The following BDKRB2 variants were observed in gnomAD, a reference collection of about 807,000 sequenced individuals.
The protein encoded by BDKRB2 is bradykinin receptor B2.
A neutral mutation model predicts 4.0 loss-of-function variants in BDKRB2; 6 were observed. The ratio of observed to expected loss-of-function variants is 1.49; its 90% CI spans 0.81 to 2.93. The LOEUF is 2.93. Ranked by LOEUF, BDKRB2 falls within the 30% of genes most tolerant of loss-of-function variation. The probability of loss-of-function intolerance (pLI) is 0.00; values close to 1 mark genes in which losing one functional copy is unlikely to be tolerated. For missense variants in BDKRB2, 478 were observed against 520.1 expected (o/e 0.92, Z 0.79); for synonymous variants, 225 against 215.3 (o/e 1.05, Z -0.40).
At chr14:96,236,784 G>A (rs1478609960) in intron 1 of BDKRB2, among the ~76,000 whole-genome samples, 1 of 152,144 alleles carries the variant, frequency 6.6e-6, no homozygotes, top group Admixed American at 6.5e-5. Flanking sequence ...CCTCACAGGC[G>A]CGTTTGGGAC....
chr14:96,235,815 GCACA>G (rs149331794), intron 1 of BDKRB2, among the ~76,000 whole-genome samples: 7 of 150,642 alleles, frequency 4.6e-5, no homozygotes, highest in Admixed American at 2.6e-4. Context: ...ACCCACACAT[GCACA>G]CACACACACA....
At position 96,216,808 on chromosome 14, in the gene BDKRB2, A is replaced by AAGG. The variant is rs138949891; in HGVS notation, c.-40+11867_-40+11869dup. ...GAGGAGGAGGAAGTAGGAGAAGAAG[A>AAGG]AGGAGGAGGAGGAGGAGGAGATCCT... On this transcript the variant is annotated intron_variant, in intron 1 of 2. Transcript: ENST00000554311. 2.6e-3 allele frequency among the ~76,000 whole-genome samples: 376 copies of AAGG among 145,280 alleles called. 4 individuals carry two copies. Among genetic ancestry groups the AAGG allele is most frequent in the African/African-American group, 8.8e-3 (339 of 38,562 alleles).
rs1885336801 is a variant in BDKRB2, at chr14:96,243,014, GGGCTAGAACTGGAGA to G, written c.*1520_*1534del. On this transcript the variant is annotated 3_prime_UTR_variant, in exon 3 of 3. Transcript: ENST00000554311. ...AGAACCTGGAGAACTAGAACCTGGA[GGGCTAGAACTGGAGA>G]GGCTAGAACCAAGAAGGGCTAGAAC... 5.6e-5 allele frequency: 2 copies of G among 35,826 alleles called. No homozygotes were observed. Among genetic ancestry groups the G allele is most frequent in the Non-Finnish European group, 1.0e-4 (2 of 19,288 alleles). 2.2% of individuals were successfully genotyped at this position (35,826 alleles called of 1,614,324 possible). A position where few individuals can be genotyped will look rare whatever the true frequency, so the allele number is the denominator to read the frequency against.
At chr14:96,226,080 G>A (rs1229756064) in intron 1 of BDKRB2, among the ~76,000 whole-genome samples, 1 of 152,190 alleles carries the variant, frequency 6.6e-6, no homozygotes, top group East Asian at 1.9e-4. Flanking sequence ...TTCCAGACCT[G>A]CAGCCTTCCT....
intron 1 of BDKRB2, among the ~76,000 whole-genome samples, chr14:96,207,933 A>T (rs1045980836): frequency 6.6e-6 from 1 of 152,154 alleles, no homozygotes; most frequent in African/African-American, 2.4e-5. Flanking sequence ...GGGTCCAGGA[A>T]TCCCCTGCCT....
rs1466316040 is a variant in BDKRB2 at position 96,242,105 on chromosome 14, G to C, written c.*601G>C. 2 of 152,500 alleles carry C rather than the reference G, an allele frequency of 1.3e-5. No individual in the cohort carries two copies. Among genetic ancestry groups the C allele is most frequent in the Non-Finnish European group, 2.9e-5 (2 of 68,304 alleles). 9.4% of individuals were successfully genotyped at this position (152,500 alleles called of 1,614,324 possible). ...AAGAAGAATCCAATAAGCACATATT[G>C]AGCACTTGCTGTATATGCAGTATTG... is the stretch of plus-strand genomic sequence containing the variant. On this transcript the variant is annotated 3_prime_UTR_variant, in exon 3 of 3. Transcript: ENST00000554311.
At chr14:96,210,655 G>T (rs1199250734) in intron 1 of BDKRB2, among the ~76,000 whole-genome samples, 1 of 152,172 alleles carries the variant, frequency 6.6e-6, no homozygotes, top group African/African-American at 2.4e-5. Context: ...TTTCTGTGGG[G>T]GTCTGGCTAA....
intron 1 of BDKRB2, among the ~76,000 whole-genome samples, chr14:96,212,791 T>C (rs528454529): frequency 6.6e-6 from 1 of 152,294 alleles, no homozygotes; most frequent in South Asian, 2.1e-4. Context: ...AGTTCTTTGA[T>C]GGGTTTTGCT....
At chr14:96,226,382 G>A (rs955716292) in intron 1 of BDKRB2, among the ~76,000 whole-genome samples, 2 of 152,178 alleles carry the variant, frequency 1.3e-5, no homozygotes, top group South Asian at 2.1e-4. Context: ...GGCCAGGTGC[G>A]GTGACTCAAG....
In BDKRB2 at chr14:96,243,860, G is replaced by C. The variant is rs199859366; in HGVS notation, c.*2356G>C. ...TGGTGAATGAAAAAAAAAAAAAGAG[G>C]CTGTGTTTTGTCACACAGGGCAGTC... On this transcript the variant is annotated 3_prime_UTR_variant, in exon 3 of 3. Coordinates refer to ENST00000554311, the MANE Select transcript of BDKRB2 (RefSeq NM_001379692.1). 1 of 269,374 alleles carries C rather than the reference G, an allele frequency of 3.7e-6. No homozygotes were observed. The highest frequency in any genetic ancestry group is 6.9e-6 in the Non-Finnish European group (1 of 145,482). 16.7% of individuals were successfully genotyped at this position (269,374 alleles called of 1,614,324 possible).
chr14:96,211,666 C>T (rs768403623), intron 1 of BDKRB2, among the ~76,000 whole-genome samples: 14 of 152,298 alleles, frequency 9.2e-5, no homozygotes, highest in Non-Finnish European at 1.9e-4. Flanking sequence ...CTTCCCTTCT[C>T]CCTCCTCCTC....
intron 1 of BDKRB2, among the ~76,000 whole-genome samples, chr14:96,207,665 G>A (rs1890220005): frequency 1.3e-5 from 2 of 152,144 alleles, no homozygotes; most frequent in Admixed American, 1.3e-4. Context: ...GACTGCTCTT[G>A]TGGGGGATGT....
chr14:96,232,948 G>C (rs1890851524), intron 1 of BDKRB2, among the ~76,000 whole-genome samples: 1 of 152,194 alleles, frequency 6.6e-6, no homozygotes, highest in Non-Finnish European at 1.5e-5. Context: ...ATGAACAAGA[G>C]AAAAGTGAAC....
chr14:96,223,542 A>T (rs1182757271), intron 1 of BDKRB2, among the ~76,000 whole-genome samples: 2 of 152,144 alleles, frequency 1.3e-5, no homozygotes, highest in African/African-American at 4.8e-5. Context: ...CAGCCAGATG[A>T]GTGCTCTGTG....
intron 2 of BDKRB2, 123 bp downstream of exon 2, chr14:96,237,304 C>A (rs1890958676): frequency 6.5e-6 from 6 of 929,592 alleles, no homozygotes; most frequent in Non-Finnish European, 9.9e-6. Flanking sequence ...GATGTTAAGC[C>A]CAAAGACAAA....
At chr14:96,205,535 G>A (rs1339476924) in intron 1 of BDKRB2, among the ~76,000 whole-genome samples, 1 of 152,170 alleles carries the variant, frequency 6.6e-6, no homozygotes, top group African/African-American at 2.4e-5. Context: ...CAGGAGGCAG[G>A]TGGTAGTGAC....
rs534890924 is a variant in BDKRB2 at position 96,222,976 on chromosome 14, A to C, written c.-39-14093A>C. On this transcript the variant is annotated intron_variant, in intron 1 of 2. Transcript: ENST00000554311. ...TGGACATCACCGACCGCTCTAGGCT[A>C]TGGAAAATTCTGTAGAACAAACAAC... 7 of 626,074 alleles carry C rather than the reference A, an allele frequency of 1.1e-5. No individual in the cohort carries two copies. The African/African-American group carries it at 1.3e-4, about 12-fold the overall frequency. The allele number at this position is 626,074 out of a possible 1,614,324, so 38.8% of individuals were successfully genotyped here.
At chr14:96,229,626 C>T (rs935092925) in intron 1 of BDKRB2, among the ~76,000 whole-genome samples, 2 of 152,062 alleles carry the variant, frequency 1.3e-5, no homozygotes, top group African/African-American at 2.4e-5. Flanking sequence ...GCCTGTCATC[C>T]AGCCAGGTGG....
intron 1 of BDKRB2, among the ~76,000 whole-genome samples, chr14:96,216,899 T>C (rs994537241): frequency 6.6e-6 from 1 of 152,208 alleles, no homozygotes; most frequent in African/African-American, 2.4e-5. Flanking sequence ...CGGCACATCC[T>C]ACAAATGTAA....
Sources: allele counts gnomAD v4.1 joint callset (sites outside exome capture counted in the v4.1 genomes callset), GRCh38; gene constraint gnomAD v4.1.1; transcripts MANE v1.5; gene names NCBI Gene and HGNC (gene_info 2026-07-23, HGNC 2026-07-21).